COL18A1: variants seen among roughly 807,000 people sequenced by gnomAD.
COL18A1 encodes the protein collagen type XVIII alpha 1 chain.
Under a neutral mutation model 168.0 loss-of-function variants are expected in COL18A1, and 133 were observed. The ratio of observed to expected loss-of-function variants is 0.79; its 90% CI spans 0.69 to 0.91. The LOEUF is 0.91. Ranked by LOEUF, COL18A1 falls within the 40% of genes least tolerant of loss-of-function variation. The pLI, the probability that COL18A1 is intolerant of heterozygous loss-of-function variation, is 0.00. For missense variants in COL18A1, 2,126 were observed against 1,925.4 expected (o/e 1.10, Z -1.95); for synonymous variants, 949 against 809.0 (o/e 1.17, Z -2.94).
intron 15 of COL18A1, among the ~76,000 whole-genome samples, chr21:45,486,180 C>T (rs2036103033): frequency 6.6e-6 from 1 of 152,198 alleles, no homozygotes; most frequent in Admixed American, 6.5e-5. Context: ...AATAGAGTCA[C>T]CGCAATGCCT....
At position 45,452,510 on chromosome 21, in the gene COL18A1, ACG is replaced by A. The variant is rs1323104523; in HGVS notation, c.107-15731_107-15730del. Among the ~76,000 whole-genome samples, 14 of 143,200 alleles carry A rather than the reference ACG, an allele frequency of 9.8e-5. No homozygotes were observed. In the East Asian group the frequency reaches 2.7e-3, roughly 28 times the overall value. 93.9% of individuals were successfully genotyped at this position (143,200 alleles called of 152,430 possible). A position where few individuals can be genotyped will look rare whatever the true frequency, so the allele number is the denominator to read the frequency against. On this transcript the variant is annotated intron_variant, in intron 2 of 41. Coordinates refer to ENST00000651438, the MANE Select transcript of COL18A1 (RefSeq NM_001379500.1). ...CTGTATGCATGTGTGTATTCACGTG[ACG>A]TGTGAGCATGCATGTACATATGTGA...
rs1054261064 is a variant in COL18A1 at position 45,423,828 on chromosome 21, C to A, written c.106+18355C>A. 1.3e-5 allele frequency: 2 copies of A among 152,320 alleles called. No individual in the cohort carries two copies. The highest frequency in any genetic ancestry group is 1.5e-5 in the Non-Finnish European group (1 of 68,114). The allele number at this position is 152,320 out of a possible 1,614,324, so 9.4% of individuals were successfully genotyped here. A position where few individuals can be genotyped will look rare whatever the true frequency, so the allele number is the denominator to read the frequency against. On this transcript the variant is annotated intron_variant, in intron 2 of 41. Coordinates refer to ENST00000651438, the MANE Select transcript of COL18A1 (RefSeq NM_001379500.1). The surrounding 1 kb of genome is among the most constrained non-coding windows in gnomAD (Gnocchi z 4.0). The stretch of plus-strand genomic sequence containing the variant: ...GGTTCTGAGTTGGAGCCCTTACTGG[C>A]CAGTTTAAGACCCTCTTGGAGCAGG...
At position 45,482,843 on chromosome 21, in the gene COL18A1, C is replaced by T. The variant is rs138158175; in HGVS notation, c.1701+22C>T. 11 of 1,614,196 alleles carry T rather than the reference C, an allele frequency of 6.8e-6. No homozygotes were observed. The East Asian group carries it at 1.6e-4, about 23-fold the overall frequency. Reference sequence around the variant, plus strand: ...TAAGGTACAAGCAGAATCCCTGGCACATCAGTCCCCTGCCCCTGGTGCCCA... The same window carrying T: ...TAAGGTACAAGCAGAATCCCTGGCATATCAGTCCCCTGCCCCTGGTGCCCA... On this transcript the variant is annotated intron_variant, in intron 15 of 41. Transcript: ENST00000651438.
chr21:45,505,168 G>C lies in COL18A1; in HGVS notation c.2903G>C (p.Gly968Ala). 1 of 1,607,482 alleles carries C rather than the reference G, an allele frequency of 6.2e-7. No homozygotes were observed. The highest frequency in any genetic ancestry group is 8.5e-7 in the Non-Finnish European group (1 of 1,177,954). ...PKGESIRGQP[G>A]PPGPQGPPGI... ...GGAGAGAGCATCCGGGGCCAGCCCG[G>C]CCCACCTGGACCTCAGGGACCCCCC... The change falls in exon 35 of 42, where the codon GGC becomes GCC. Residue 968 changes from glycine (G) to alanine (A), a missense_variant. Physicochemically the swap from Gly to Ala is moderately conservative, Grantham distance 60. Transcript: ENST00000651438.
chr21:45,475,155 C>T (rs1286820364), intron 4 of COL18A1, among the ~76,000 whole-genome samples: 1 of 152,242 alleles, frequency 6.6e-6, no homozygotes, highest in East Asian at 1.9e-4. Context: ...GCGGCCTCCT[C>T]CAGGGCAGGG....
At chr21:45,440,477 C>A (rs778367207) in intron 2 of COL18A1, among the ~76,000 whole-genome samples, 37 of 151,422 alleles carry the variant, frequency 2.4e-4, no homozygotes, top group Non-Finnish European at 1.3e-4. Context: ...CGCAAGCAGT[C>A]GGGGCCTGCT....
intron 2 of COL18A1, among the ~76,000 whole-genome samples, chr21:45,458,310 C>T (rs182711978): frequency 8.9e-4 from 134 of 150,030 alleles, no homozygotes; most frequent in Non-Finnish European, 1.4e-3. Context: ...AGGCAGGGAC[C>T]GTGCCCACGG....
intron 2 of COL18A1, among the ~76,000 whole-genome samples, chr21:45,445,940 T>C (rs1379745809): frequency 6.6e-6 from 1 of 152,208 alleles, no homozygotes; most frequent in East Asian, 1.9e-4. Context: ...CACAAAACTT[T>C]TAAGTTTTTA....
intron 2 of COL18A1, among the ~76,000 whole-genome samples, chr21:45,432,598 G>C (rs962920394): frequency 6.6e-6 from 1 of 152,228 alleles, no homozygotes; most frequent in Non-Finnish European, 1.5e-5. Flanking sequence ...CTCAGAGCCT[G>C]TGGCTCCAGT....
At chr21:45,501,732 C>T (rs77757554) in intron 32 of COL18A1, among the ~76,000 whole-genome samples, 1,627 of 82,708 alleles carry the variant, frequency 0.02, 7 homozygotes, top group African/African-American at 0.024. Flanking sequence ...AGAAGGACCC[C>T]CAGGGGCTCC....
chr21:45,508,197 G>A, intron 38 of COL18A1, among the ~76,000 whole-genome samples: 1 of 151,588 alleles, frequency 6.6e-6, no homozygotes, highest in African/African-American at 2.4e-5. Flanking sequence ...ATGGTGGACA[G>A]GTGGGTGAGT....
intron 2 of COL18A1, among the ~76,000 whole-genome samples, chr21:45,406,223 C>A (rs2033104609): frequency 6.6e-6 from 1 of 152,144 alleles, no homozygotes; most frequent in South Asian, 2.1e-4. Context: ...GGCGGGGACG[C>A]GGACCCCAGG....
rs2037260779 is a variant in COL18A1 at position 45,507,174 on chromosome 21, G to A, written c.3217-387G>A. ...CTGGGAGGGCCGGGTGTTGGGGAGG[G>A]AGAGGCGGGTGCTGGGCAGGGAGGG... On this transcript the variant is annotated intron_variant, in intron 37 of 41. Coordinates refer to ENST00000651438, the MANE Select transcript of COL18A1 (RefSeq NM_001379500.1). 7.1e-5 allele frequency: 12 copies of A among 169,582 alleles called. No individual in the cohort carries two copies. In the South Asian group the frequency reaches 7.6e-4, roughly 11 times the overall value. 10.5% of individuals were successfully genotyped at this position (169,582 alleles called of 1,614,324 possible).
At chr21:45,481,933 C>CA (rs748141971) in intron 13 of COL18A1, 30 bp from the exon 14 acceptor site, 47 of 1,552,052 alleles carry the variant, frequency 3.0e-5, no homozygotes, top group South Asian at 2.1e-4. Context: ...CGAATGCCAT[C>CA]AAGACCCACT....
At chr21:45,450,509 C>T (rs1013500220) in intron 2 of COL18A1, among the ~76,000 whole-genome samples, 4 of 152,218 alleles carry the variant, frequency 2.6e-5, no homozygotes, top group African/African-American at 9.6e-5. Flanking sequence ...TCTTTGCCCC[C>T]TGATGAACCA....
chr21:45,455,455 G>A lies in COL18A1; in HGVS notation c.107-12787G>A. ...GAAGCCTGCACAGGGGAGGGCAGGA[G>A]GGCGTGAGCCTGGCTAGCCCCACCT... On this transcript the variant is annotated intron_variant, in intron 2 of 41. Transcript: ENST00000651438. 4 of 1,592,792 alleles carry A rather than the reference G, an allele frequency of 2.5e-6. No homozygotes were observed. The South Asian group carries it at 4.4e-5, about 18-fold the overall frequency.
intron 3 of COL18A1, among the ~76,000 whole-genome samples, chr21:45,469,869 T>C (rs1000021366): frequency 2.0e-5 from 3 of 152,228 alleles, no homozygotes; most frequent in Non-Finnish European, 2.9e-5. Flanking sequence ...CCCTCAGAGC[T>C]CAGGAGCCGC....
intron 2 of COL18A1, among the ~76,000 whole-genome samples, chr21:45,453,485 A>C (rs533791291): frequency 1.3e-5 from 2 of 152,332 alleles, no homozygotes; most frequent in East Asian, 3.9e-4. Context: ...CACCCTTGCC[A>C]GGTGCTTCCT....
rs1481958821 is a variant in COL18A1 at position 45,440,549 on chromosome 21, C to T, written c.107-27693C>T. On this transcript the variant is annotated intron_variant, in intron 2 of 41. Transcript: ENST00000651438. ...CTGCTGGGGTTTGAGCCACGTTCCC[C>T]GGAAGCAGTCGGGGCCTGCTGGGGT... 6.0e-5 allele frequency among the ~76,000 whole-genome samples: 9 copies of T among 149,696 alleles called. No homozygotes were observed. The South Asian group carries it at 1.3e-3, about 21-fold the overall frequency.
Sources: gnomAD v4.1 joint callset for allele counts (sites outside exome capture counted in the v4.1 genomes callset) on GRCh38, gnomAD v4.1.1 for gene constraint, Gnocchi (gnomAD v3.1) non-coding constraint, MANE v1.5 for transcripts, NCBI Gene and HGNC (gene_info 2026-07-23, HGNC 2026-07-21) for gene names.